UBE3D: variants seen among roughly 807,000 people sequenced by gnomAD.
UBE3D encodes E3 ubiquitin-protein ligase E3D.
A neutral mutation model predicts 49.6 loss-of-function variants in UBE3D; 48 were observed. The observed-to-expected ratio is 0.97, with a 90% confidence interval of 0.77 to 1.23. The LOEUF is 1.23. Among genes scored for constraint, UBE3D ranks in the 50% most tolerant of loss-of-function variants. The pLI is 0.00. For synonymous variants in UBE3D, 189 were observed against 174.2 expected (o/e 1.08, Z -0.67); for missense variants, 452 against 468.4 (o/e 0.96, Z 0.32).
At chr6:82,972,303 G>A (rs755382427) in intron 8 of UBE3D, among the ~76,000 whole-genome samples, 3 of 152,128 alleles carry the variant, frequency 2.0e-5, no homozygotes, top group African/African-American at 7.2e-5. Flanking sequence ...CATGAATAAG[G>A]CCTGACCAAT....
At chr6:82,930,121 C>CT (rs1185478456) in intron 9 of UBE3D, among the ~76,000 whole-genome samples, 1 of 152,070 alleles carries the variant, frequency 6.6e-6, no homozygotes, top group Non-Finnish European at 1.5e-5. Context: ...TTCATGAAAT[C>CT]TGATGGTTTT....
chr6:82,904,775 C>G (rs1316196893), intron 9 of UBE3D, among the ~76,000 whole-genome samples: 1 of 152,096 alleles, frequency 6.6e-6, no homozygotes, highest in African/African-American at 2.4e-5. Context: ...TTAAATAAGG[C>G]TTTTTTTCCT....
chr6:82,923,913 A>C (rs1773545880), intron 9 of UBE3D, among the ~76,000 whole-genome samples: 1 of 152,170 alleles, frequency 6.6e-6, no homozygotes, highest in Admixed American at 6.5e-5. Flanking sequence ...TGCAGCAAAA[A>C]AACTGTGTGT....
intron 8 of UBE3D, among the ~76,000 whole-genome samples, chr6:83,016,221 C>T (rs1780687685): frequency 6.6e-6 from 1 of 152,188 alleles, no homozygotes; most frequent in African/African-American, 2.4e-5. Flanking sequence ...TCCCTGAGTT[C>T]ATCATTTTCT....
intron 9 of UBE3D, among the ~76,000 whole-genome samples, chr6:82,937,415 A>G (rs1774662739): frequency 6.6e-6 from 1 of 152,216 alleles, no homozygotes; most frequent in Non-Finnish European, 1.5e-5. Context: ...AAGCAAGCTC[A>G]GTTATTTCAA....
intron 8 of UBE3D, among the ~76,000 whole-genome samples, chr6:83,014,824 T>TGACCCAAGG (rs1780582571): frequency 6.6e-6 from 1 of 152,202 alleles, no homozygotes; most frequent in African/African-American, 2.4e-5. Context: ...GTCTGTAAAC[T>TGACCCAAGG]GGCTCAAGTC....
At chr6:83,063,116 C>A in intron 1 of UBE3D, 1 of 245,270 alleles carries the variant, frequency 4.1e-6, no homozygotes, top group South Asian at 3.7e-5. Context: ...TCAAAGGACA[C>A]TATCAAAAAA....
intron 9 of UBE3D, among the ~76,000 whole-genome samples, chr6:82,941,434 G>A (rs892056180): frequency 6.6e-6 from 1 of 151,888 alleles, no homozygotes; most frequent in Non-Finnish European, 1.5e-5. Flanking sequence ...ATGTTTGAAA[G>A]TATATAGAAA....
chr6:83,039,705 C>T (rs560550273), intron 4 of UBE3D, among the ~76,000 whole-genome samples: 7 of 152,092 alleles, frequency 4.6e-5, no homozygotes, highest in Admixed American at 6.5e-5. Context: ...AGTGCAGTGG[C>T]GCGACCTTGG....
At chr6:83,041,605 T>A (rs967045464) in intron 4 of UBE3D, among the ~76,000 whole-genome samples, 1 of 152,186 alleles carries the variant, frequency 6.6e-6, no homozygotes. Context: ...GCATACTTAA[T>A]GAATCCATAT....
chr6:82,916,247 A>G (rs1772906921), intron 9 of UBE3D, among the ~76,000 whole-genome samples: 1 of 152,162 alleles, frequency 6.6e-6, no homozygotes, highest in Non-Finnish European at 1.5e-5. Context: ...GTCCTGCCCA[A>G]GTCTAGCCTT....
At chr6:82,975,347 C>T (rs1261090657) in intron 8 of UBE3D, among the ~76,000 whole-genome samples, 1 of 152,030 alleles carries the variant, frequency 6.6e-6, no homozygotes, top group South Asian at 2.1e-4. Flanking sequence ...AAATAAAGAA[C>T]GGCACGTATA....
intron 9 of UBE3D, among the ~76,000 whole-genome samples, chr6:82,921,943 C>T (rs898147255): frequency 6.6e-6 from 1 of 152,092 alleles, no homozygotes; most frequent in South Asian, 2.1e-4. Flanking sequence ...TATTCCTAGG[C>T]TACAAGAGAC....
At chr6:83,008,828 G>C (rs776099842) in intron 8 of UBE3D, among the ~76,000 whole-genome samples, 4 of 152,132 alleles carry the variant, frequency 2.6e-5, no homozygotes, top group Non-Finnish European at 5.9e-5. Flanking sequence ...ATAACTCACA[G>C]CATGTTTACC....
At chr6:82,935,009 C>A (rs1167110155) in intron 9 of UBE3D, among the ~76,000 whole-genome samples, 1 of 105,762 alleles carries the variant, frequency 9.5e-6, no homozygotes, top group African/African-American at 3.3e-5. Context: ...GCAAGAATGA[C>A]TCTAATAGTA....
At chr6:83,058,810 C>G (rs962351743) in intron 1 of UBE3D, among the ~76,000 whole-genome samples, 4 of 152,186 alleles carry the variant, frequency 2.6e-5, no homozygotes, top group Non-Finnish European at 5.9e-5. Flanking sequence ...TAGCTACTTT[C>G]TGGCTAGTTC....
chr6:82,894,827 TAG>T (rs1171049979), intron 9 of UBE3D, among the ~76,000 whole-genome samples: 2 of 152,126 alleles, frequency 1.3e-5, no homozygotes, highest in African/African-American at 4.8e-5. Flanking sequence ...TGCTTCTACA[TAG>T]ACAGTTTACA....
intron 8 of UBE3D, among the ~76,000 whole-genome samples, chr6:82,988,925 T>C (rs932581398): frequency 6.6e-6 from 1 of 151,372 alleles, no homozygotes; most frequent in African/African-American, 2.4e-5. Context: ...AAAGTGAGTA[T>C]CCCTTTTATC....
intron 9 of UBE3D, among the ~76,000 whole-genome samples, chr6:82,899,664 A>AT (rs1411444205): frequency 8.5e-5 from 13 of 152,314 alleles, no homozygotes; most frequent in Admixed American, 7.2e-4. Flanking sequence ...AAGGACCACT[A>AT]TAGCAGTTAC....
Sources: gnomAD v4.1 joint callset for allele counts (sites outside exome capture counted in the v4.1 genomes callset) on GRCh38, gnomAD v4.1.1 for gene constraint, MANE v1.5 for transcripts, NCBI Gene and HGNC (gene_info 2026-07-23, HGNC 2026-07-21) for gene names.